CDKL5: variants seen among roughly 807,000 people sequenced by gnomAD.
CDKL5 encodes the protein cyclin-dependent kinase-like 5.
In CDKL5, 8 loss-of-function variants were observed where a neutral mutation model predicts 61.7. The ratio of observed to expected loss-of-function variants is 0.13; its 90% CI spans 0.08 to 0.23. The LOEUF (loss-of-function observed/expected upper bound fraction) is 0.23. Among genes scored for constraint, CDKL5 ranks in the 10% least tolerant of loss-of-function variants. CDKL5 has a pLI of 1.00. For missense variants in CDKL5, 440 were observed against 734.5 expected (o/e 0.60, Z 4.63); for synonymous variants, 275 against 272.3 (o/e 1.01, Z -0.10).
At chrX:18,503,727 C>T (rs1017611007) in intron 1 of CDKL5, among the ~76,000 whole-genome samples, 1 of 111,782 alleles carries the variant, frequency 8.9e-6, no homozygotes, top group Admixed American at 9.5e-5. Context: ...CAGCTATAAC[C>T]CACAAGGATG....
intron 3 of CDKL5, among the ~76,000 whole-genome samples, chrX:18,547,382 T>C (rs1048044834): frequency 1.8e-5 from 2 of 112,346 alleles, no homozygotes; most frequent in East Asian, 5.5e-4. Flanking sequence ...TGAATTCCTC[T>C]GATTAACAGC....
At chrX:18,603,777 T>G in intron 11 of CDKL5, 125 bp from the exon 12 acceptor site, 1 of 835,963 alleles carries the variant, frequency 1.2e-6, no homozygotes, top group South Asian at 2.1e-5. Flanking sequence ...CGAAGGCACA[T>G]GCTTGAGAGA....
intron 15 of CDKL5, among the ~76,000 whole-genome samples, chrX:18,617,483 C>A (rs1926754520): frequency 8.9e-6 from 1 of 112,296 alleles, no homozygotes; most frequent in Admixed American, 9.4e-5. Flanking sequence ...ACACCCTTAC[C>A]CATATGGCTC....
chrX:18,501,431 C>T (rs1922378440), intron 1 of CDKL5, among the ~76,000 whole-genome samples: 2 of 111,612 alleles, frequency 1.8e-5, no homozygotes, highest in South Asian at 3.7e-4. Flanking sequence ...TCCTCAGCCT[C>T]CCAAAGTGCT....
rs552582048 is a variant in CDKL5, at chrX:18,516,625, A to G, written c.99+5771A>G. Among the ~76,000 whole-genome samples the G allele has an allele frequency of 2.4e-4, 26 of 110,356 alleles. No individual in the cohort carries two copies. The South Asian group carries it at 9.4e-3, about 40-fold the overall frequency. ...GGTCTCGAACTCCTGGCCTCAAGCA[A>G]TCCTCCCATCTTGGCCTCCCAAAGT... On this transcript the variant is annotated intron_variant, in intron 3 of 17. Coordinates refer to ENST00000623535, the MANE Select transcript of CDKL5 (RefSeq NM_001323289.2).
At chrX:18,589,360 A>G (rs1212628505) in intron 9 of CDKL5, 1 of 109,260 alleles carries the variant, frequency 9.2e-6, no homozygotes, top group Admixed American at 9.8e-5. Flanking sequence ...CTCATTGTTC[A>G]TTTCCCACCT....
chrX:18,481,612 C>T (rs1921581859), intron 1 of CDKL5, among the ~76,000 whole-genome samples: 1 of 106,388 alleles, frequency 9.4e-6, no homozygotes, highest in Non-Finnish European at 1.9e-5. Flanking sequence ...ATCTGCCCGG[C>T]CTGTCTCCCA....
Position 18,579,830 on chromosome X carries a change from ACT to A in CDKL5, c.283-15_283-14del, listed in dbSNP as rs1472093021. 4 of 1,199,576 alleles carry A rather than the reference ACT, an allele frequency of 3.3e-6. No homozygotes were observed. The Admixed American group carries it at 6.5e-5, about 20-fold the overall frequency. ...GGCCTACCTAATTTGGGAAATAATG[ACT>A]CTATTTAATTTTTAGAATATGCTCG... On this transcript the variant is annotated splice_polypyrimidine_tract_variant and intron_variant, in intron 5 of 17. Coordinates refer to ENST00000623535, the MANE Select transcript of CDKL5 (RefSeq NM_001323289.2).
intron 1 of CDKL5, among the ~76,000 whole-genome samples, chrX:18,439,394 GGTGTGT>G (rs752724398): frequency 2.0e-4 from 20 of 101,909 alleles, no homozygotes; most frequent in Non-Finnish European, 3.2e-4. Context: ...TTCCATAATA[GGTGTGT>G]GTGTGTGTGT....
In CDKL5 at chrX:18,630,990, A is replaced by C. The variant is rs927245763; in HGVS notation, c.*2233A>C. ...TCCCCCCTTGCAAACCAGAAACTAC[A>C]CTTTTTTTCTCTGGAAAGACTTCTC... On this transcript the variant is annotated 3_prime_UTR_variant, in exon 18 of 18. Coordinates refer to ENST00000623535, the MANE Select transcript of CDKL5 (RefSeq NM_001323289.2). The C allele has an allele frequency of 4.0e-6, 3 of 744,111 alleles. No individual in the cohort carries two copies. The African/African-American group carries it at 7.4e-5, about 18-fold the overall frequency. 61.3% of individuals were successfully genotyped at this position (744,111 alleles called of 1,213,427 possible).
intron 14 of CDKL5, 53 bp downstream of exon 14, chrX:18,609,623 T>G: frequency 8.3e-7 from 1 of 1,202,599 alleles, no homozygotes; most frequent in Non-Finnish European, 1.1e-6. Flanking sequence ...TCTCTCACTT[T>G]ATGTGCACAC....
intron 3 of CDKL5, among the ~76,000 whole-genome samples, chrX:18,518,743 T>C (rs1389188601): frequency 9.1e-6 from 1 of 109,508 alleles, no homozygotes; most frequent in Admixed American, 9.8e-5. Flanking sequence ...ACATATAGTT[T>C]GGGAGGTGAA....
chrX:18,467,998 C>T (rs1920978174), intron 1 of CDKL5, among the ~76,000 whole-genome samples: 1 of 111,288 alleles, frequency 9.0e-6, no homozygotes, highest in African/African-American at 3.3e-5. Flanking sequence ...GAAATGTGCT[C>T]AGATTAAAAA....
At chrX:18,489,090 C>G (rs1188387682) in intron 1 of CDKL5, among the ~76,000 whole-genome samples, 1 of 111,230 alleles carries the variant, frequency 9.0e-6, no homozygotes, top group Non-Finnish European at 1.9e-5. Context: ...TTTTCCTGGT[C>G]CAGGAGAGAA....
At chrX:18,480,882 A>G (rs1276585142) in intron 1 of CDKL5, among the ~76,000 whole-genome samples, 2 of 90,162 alleles carry the variant, frequency 2.2e-5, no homozygotes, top group Non-Finnish European at 4.2e-5. Flanking sequence ...TTTGGAGAGG[A>G]AGTCTCGTTC....
In CDKL5 at chrX:18,630,233, T is replaced by G. The variant is rs920105486; in HGVS notation, c.*1476T>G. ...GAACAGGACCTATCTTCCCCTCATCTGATCTCTTTCAGCTCCCAAGTTACT... is the reference window on the plus strand; with the variant it reads ...GAACAGGACCTATCTTCCCCTCATCGGATCTCTTTCAGCTCCCAAGTTACT... On this transcript the variant is annotated 3_prime_UTR_variant, in exon 18 of 18. Coordinates refer to ENST00000623535, the MANE Select transcript of CDKL5 (RefSeq NM_001323289.2). 6.7e-6 allele frequency: 5 copies of G among 751,667 alleles called. No individual in the cohort carries two copies. In the African/African-American group the frequency reaches 9.3e-5, roughly 14 times the overall value. The allele number at this position is 751,667 out of a possible 1,213,427, so 61.9% of individuals were successfully genotyped here.
At chrX:18,595,624 T>C (rs766178336) in intron 10 of CDKL5, among the ~76,000 whole-genome samples, 196 bp downstream of exon 10, 1 of 112,006 alleles carries the variant, frequency 8.9e-6, no homozygotes. Context: ...TCACAGTCCA[T>C]CTAGACAGAA....
downstream of CDKL5, chrX:18,641,927 C>A: frequency 9.3e-7 from 1 of 1,072,644 alleles, no homozygotes; most frequent in South Asian, 1.9e-5. Context: ...CTGTCCATCT[C>A]GGTGGTGTGT....
At chrX:18,571,004 A>G (rs1250200657) in intron 4 of CDKL5, among the ~76,000 whole-genome samples, 3 of 111,575 alleles carry the variant, frequency 2.7e-5, no homozygotes, top group Non-Finnish European at 5.6e-5. Context: ...AAACCCCCTC[A>G]GTGGTAACTG....
Sources: gnomAD v4.1 joint callset for allele counts (sites outside exome capture counted in the v4.1 genomes callset) on GRCh38, gnomAD v4.1.1 for gene constraint, MANE v1.5 for transcripts, NCBI Gene and HGNC (gene_info 2026-07-23, HGNC 2026-07-21) for gene names.